GAREM2: variants seen among roughly 807,000 people sequenced by gnomAD.
GAREM2 encodes GRB2-associated and regulator of MAPK protein 2.
GAREM2 carries 30 observed loss-of-function variants against 55.6 expected under a neutral mutation model. The observed-to-expected ratio is 0.54, with a 90% CI of 0.40 to 0.73. The LOEUF (loss-of-function observed/expected upper bound fraction) is 0.73, where lower values mean the gene tolerates loss of function less well. GAREM2 is among the 30% of genes least tolerant of loss of function. The probability of loss-of-function intolerance (pLI) is 0.00; values close to 1 mark genes in which losing one functional copy is unlikely to be tolerated. For synonymous variants in GAREM2, 550 were observed against 569.1 expected (o/e 0.97, Z 0.48); for missense variants, 1,075 against 1,257.7 (o/e 0.85, Z 2.20).
In GAREM2 at chr2:26,186,350, C is replaced by T. The variant is rs550281953; in HGVS notation, c.1590C>T (p.Leu530=). ...GCCTCTCCTACTACTCCTCTGGCCT[C>T]CAGGATGGGTGAGTCCCTGCCTTCC... ...SSSLSYYSSG[L]QDGAGSRSGS... is the part of the protein sequence containing the mutation. Residue 530 remains leucine (L), a synonymous_variant, in exon 5 of 6, where the codon CTC becomes CTT. Transcript: ENST00000401533. 4 of 1,551,866 alleles carry T rather than the reference C, an allele frequency of 2.6e-6. No individual in the cohort carries two copies. The highest frequency in any genetic ancestry group is 3.9e-5 in the Admixed American group (2 of 50,988).
At position 26,188,610 on chromosome 2, in the gene GAREM2, C is replaced by T. The variant is rs1558311558; in HGVS notation, c.*353C>T. ...CCCTGCTATAGACCTTCACAAACGA[C>T]TTCCACTGCTGAAGCCTGTAGGCTC... On this transcript the variant is annotated 3_prime_UTR_variant, in exon 6 of 6. Transcript: ENST00000401533. The T allele has an allele frequency of 1.4e-5, 3 of 214,308 alleles. No homozygotes were observed. Among genetic ancestry groups the T allele is most frequent in the Non-Finnish European group, 2.7e-5 (3 of 109,306 alleles). 13.3% of individuals were successfully genotyped at this position (214,308 alleles called of 1,614,324 possible). A position where few individuals can be genotyped will look rare whatever the true frequency, so the allele number is the denominator to read the frequency against.
intron 5 of GAREM2, 55 bp from the exon 6 acceptor site, chr2:26,187,176 G>A (rs533731185): frequency 3.6e-6 from 5 of 1,408,264 alleles, no homozygotes; most frequent in East Asian, 2.7e-5. Context: ...TGACCCTATC[G>A]GATTCCCTCT....
chr2:26,195,022 A>G, the GAREM2 span: 1 of 1,241,056 alleles, frequency 8.1e-7, no homozygotes, highest in African/African-American at 1.5e-5. Flanking sequence ...TTTATAAACA[A>G]GCCTGGAGGT....
chr2:26,191,347 C>T (rs202050075), downstream of GAREM2: 38 of 1,614,144 alleles, frequency 2.4e-5, no homozygotes, highest in Middle Eastern at 3.3e-4. Flanking sequence ...TTTCTTGAGC[C>T]GGTCCACTAT....
In GAREM2 at chr2:26,186,273, C is replaced by T. The variant is rs1313938649; in HGVS notation, c.1513C>T (p.Pro505Ser). ...NGSGRLSSSP[P>S]VPPRFPKLQP... is the part of the protein sequence containing the mutation. The stretch of plus-strand genomic sequence containing the variant: ...CAGCGGCCGGCTCTCCAGCAGCCCC[C>T]CGGTTCCCCCTCGCTTCCCCAAGCT... The change falls in exon 5 of 6, where the codon CCG becomes TCG. Residue 505 changes from proline (P) to serine (S), a missense_variant. Physicochemically the swap from Pro to Ser is moderately conservative, Grantham distance 74. Transcript: ENST00000401533. The T allele has an allele frequency of 4.5e-6, 7 of 1,550,898 alleles. No individual in the cohort carries two copies. Among genetic ancestry groups the T allele is most frequent in the South Asian group, 1.2e-5 (1 of 84,016 alleles).
In GAREM2 at chr2:26,187,438, C is replaced by T; in HGVS notation, c.1806C>T (p.Asp602=). The change falls in exon 6 of 6, where the codon GAC becomes GAT. Residue 602 remains aspartate, a synonymous_variant. Transcript: ENST00000401533. ...GAGCCGCCTCCCTTCTGGGGGCTGA[C>T]ACCCCTGTTAAGACCTACCACAGCT... ...SGRAASLLGA[D]TPVKTYHSCP... is the part of the protein sequence containing the mutation. 1 of 1,548,034 alleles carries T rather than the reference C, an allele frequency of 6.5e-7. No homozygotes were observed. Among genetic ancestry groups the T allele is most frequent in the Non-Finnish European group, 8.7e-7 (1 of 1,145,324 alleles).
downstream of GAREM2, among the ~76,000 whole-genome samples, chr2:26,194,167 G>T (rs923363244): frequency 1.3e-5 from 2 of 152,212 alleles, no homozygotes; most frequent in Non-Finnish European, 2.9e-5. Flanking sequence ...CAGCGAGGAG[G>T]ATCCCTCTCC....
chr2:26,201,798 T>A, the GAREM2 span, among the ~76,000 whole-genome samples: 775 of 152,100 alleles, frequency 5.1e-3, 3 homozygotes, highest in African/African-American at 0.017. Flanking sequence ...CTTTTTTTTT[T>A]TTTATTTATT....
chr2:26,173,999 T>C (rs1214684871), intron 1 of GAREM2, among the ~76,000 whole-genome samples: 2 of 149,390 alleles, frequency 1.3e-5, no homozygotes, highest in Admixed American at 1.3e-4. Flanking sequence ...CCCGAGAGGG[T>C]ACGCCCGGAG....
intron 2 of GAREM2, chr2:26,180,921 A>G (rs935010655): frequency 1.0e-6 from 1 of 985,280 alleles, no homozygotes; most frequent in African/African-American, 1.7e-5. Flanking sequence ...CTGGCCTGCC[A>G]TCTCCATTTC....
At position 26,184,419 on chromosome 2, in the gene GAREM2, G is replaced by GGCC. The variant is rs1669152710; in HGVS notation, c.572_574dup (p.Gly191_Pro192insArg). The GGCC allele has an allele frequency of 6.8e-7, 1 of 1,469,748 alleles. No individual in the cohort carries two copies. Among genetic ancestry groups the GGCC allele is most frequent in the African/African-American group, 1.5e-5 (1 of 67,456 alleles). 91.0% of individuals were successfully genotyped at this position (1,469,748 alleles called of 1,614,324 possible). A position where few individuals can be genotyped will look rare whatever the true frequency, so the allele number is the denominator to read the frequency against. On this transcript the variant is annotated inframe_insertion, in exon 4 of 6. Coordinates refer to ENST00000401533, the MANE Select transcript of GAREM2 (RefSeq NM_001168241.2). ...GGCGCTGGCCGGGGTGGGCGGCGGC[G>GGCC]GCCCAGCGAGCGCGGGGGCCGCGGG...
Position 26,186,845 on chromosome 2 carries a change from C to T in GAREM2, c.1599-386C>T, listed in dbSNP as rs538264717. 8.5e-5 allele frequency among the ~76,000 whole-genome samples: 13 copies of T among 152,308 alleles called. No individual in the cohort carries two copies. In the East Asian group the frequency reaches 2.3e-3, roughly 27 times the overall value. On this transcript the variant is annotated intron_variant, in intron 5 of 5. Transcript: ENST00000401533. Reference sequence around the variant, plus strand: ...CAAAAATTAGCCGGGCATTACGGCACATGCCTGTAATCCCAGCTACTCGGG... The same window carrying T: ...CAAAAATTAGCCGGGCATTACGGCATATGCCTGTAATCCCAGCTACTCGGG...
At chr2:26,191,462 T>C, downstream of GAREM2, 3 of 1,614,182 alleles carry the variant, frequency 1.9e-6, no homozygotes, top group Non-Finnish European at 1.7e-6. Flanking sequence ...GTGAGCTTCC[T>C]TCCCAACCTG....
At position 26,187,547 on chromosome 2, in the gene GAREM2, C is replaced by G; in HGVS notation, c.1915C>G (p.Pro639Ala). ...ALNPFSGPAY[P>A]SGPSAALSSG... ...CAACCCTTTTTCCGGGCCTGCCTAC[C>G]CCTCAGGCCCTTCAGCGGCCTTGTC... Residue 639 changes from proline (P) to alanine (A), a missense_variant, in exon 6 of 6, where the codon CCC (proline) becomes GCC (alanine). This residue lies in a region of GAREM2 where 515 missense variants were observed against 501.5 expected (regional missense o/e 1.03). Transcript: ENST00000401533. 1 of 1,537,668 alleles carries G rather than the reference C, an allele frequency of 6.5e-7. No individual in the cohort carries two copies. The highest frequency in any genetic ancestry group is 8.8e-7 in the Non-Finnish European group (1 of 1,140,718).
chr2:26,195,159 G>A, the GAREM2 span: 1 of 1,612,616 alleles, frequency 6.2e-7, no homozygotes, highest in Non-Finnish European at 8.5e-7. Context: ...GGTGTCTTTG[G>A]AAGTTTTCTC....
downstream of GAREM2, chr2:26,191,163 T>C (rs1669484379): frequency 8.7e-6 from 12 of 1,375,036 alleles, no homozygotes; most frequent in Admixed American, 3.4e-5. Flanking sequence ...CTCGTTACTC[T>C]GATAAATCTA....
chr2:26,183,467 T>C (rs1558307286), intron 3 of GAREM2, among the ~76,000 whole-genome samples: 1 of 142,212 alleles, frequency 7.0e-6, no homozygotes, highest in Non-Finnish European at 1.5e-5. Flanking sequence ...CTCATGCCTG[T>C]AATCCCAACA....
Position 26,187,970 on chromosome 2 carries a change from G to C in GAREM2, c.2338G>C (p.Gly780Arg). Residue 780 changes from glycine to arginine, a missense_variant, in exon 6 of 6, where the codon GGG (glycine) becomes CGG (arginine). Transcript: ENST00000401533. Reference protein sequence around the residue: ...ALFLTQGRLEGPPASPRDGAT... With the variant: ...ALFLTQGRLERPPASPRDGAT... ...TTTTCTAACCCAAGGGCGCCTGGAAGGGCCTCCTGCCAGTCCCCGGGATGG... is the reference window on the plus strand; with the variant it reads ...TTTTCTAACCCAAGGGCGCCTGGAACGGCCTCCTGCCAGTCCCCGGGATGG... The C allele has an allele frequency of 1.4e-6, 2 of 1,456,350 alleles. No individual in the cohort carries two copies. Among genetic ancestry groups the C allele is most frequent in the Non-Finnish European group, 1.8e-6 (2 of 1,099,618 alleles). 90.2% of individuals were successfully genotyped at this position (1,456,350 alleles called of 1,614,324 possible).
At chr2:26,184,005 AAG>A (rs1230268706) in intron 3 of GAREM2, among the ~76,000 whole-genome samples, 1 of 152,294 alleles carries the variant, frequency 6.6e-6, no homozygotes, top group African/African-American at 2.4e-5. Context: ...TCTTCGAAGT[AAG>A]AGTTATCAGA....
Sources: allele counts gnomAD v4.1 joint callset (sites outside exome capture counted in the v4.1 genomes callset), GRCh38; gene constraint gnomAD v4.1.1; regional missense constraint gnomAD v4.1.1; transcripts MANE v1.5; gene names NCBI Gene and HGNC (gene_info 2026-07-23, HGNC 2026-07-21).